The following SNX31 variants were observed in gnomAD, a reference collection of about 807,000 sequenced individuals.
The protein encoded by SNX31 is sorting nexin-31.
Under a neutral mutation model 65.4 loss-of-function variants are expected in SNX31, and 58 were observed. That is an observed-to-expected ratio of 0.89 (90% CI 0.72 to 1.10). The LOEUF (loss-of-function observed/expected upper bound fraction) is 1.10. Ranked by LOEUF, SNX31 falls within the 50% of genes least tolerant of loss-of-function variation. SNX31 has a pLI of 0.00. For missense variants in SNX31, 523 were observed against 529.7 expected, an observed-to-expected ratio of 0.99 and a Z score of 0.12; for synonymous variants, 181 against 190.1, an observed-to-expected ratio of 0.95 and a Z score of 0.39.
chr8:100,628,665 C>T (rs1818213719), intron 4 of SNX31, among the ~76,000 whole-genome samples: 1 of 152,014 alleles, frequency 6.6e-6, no homozygotes, highest in Admixed American at 6.6e-5. Flanking sequence ...GGGTGCAGCA[C>T]ACCAACATGG....
intron 4 of SNX31, among the ~76,000 whole-genome samples, chr8:100,628,300 T>C (rs1170007811): frequency 6.6e-6 from 1 of 152,216 alleles, no homozygotes; most frequent in Non-Finnish European, 1.5e-5. Context: ...CATATGTTTA[T>C]TGCGGCACTA....
upstream of SNX31, among the ~76,000 whole-genome samples, chr8:100,652,329 A>G (rs1410803422): frequency 2.0e-5 from 3 of 152,306 alleles, no homozygotes; most frequent in East Asian, 3.9e-4. Flanking sequence ...ATGATGCTCA[A>G]TTTCTGAATC....
rs199912511 is a variant in SNX31 at position 100,588,915 on chromosome 8, T to C, written c.1043A>G (p.Gln348Arg). ...TLNQNLELRF[Q>R]YSEDSCWQWF... ...CTGCCAGCAACTATCCTCACTGTAT[T>C]GAAATCTGAGCTCTAAGTTCTGGTT... is the stretch of plus-strand genomic sequence containing the variant. Residue 348 changes from glutamine to arginine, a missense_variant, in exon 11 of 14, where the codon CAA (glutamine) becomes CGA (arginine). Transcript: ENST00000311812. The surrounding 1 kb of genome is among the most constrained non-coding windows in gnomAD (Gnocchi z 4.8). 1,289 of 1,614,104 alleles carry C rather than the reference T, an allele frequency of 8.0e-4. 3 individuals carry two copies. Among genetic ancestry groups the C allele is most frequent in the Non-Finnish European group, 1.0e-3 (1,228 of 1,179,966 alleles).
At position 100,626,358 on chromosome 8, in the gene SNX31, C is replaced by A. The variant is rs1218663394; in HGVS notation, c.321+3969G>T. On this transcript the variant is annotated intron_variant, in intron 4 of 13. Transcript: ENST00000311812. The surrounding 1 kb of genome is among the most constrained non-coding windows in gnomAD (Gnocchi z 4.4). ...AAAAGTAGGGCAGCCAAAATTTGAA[C>A]TGAGGCCATCTCACTACTTAGCCTG... Among the ~76,000 whole-genome samples the A allele has an allele frequency of 1.3e-5, 2 of 152,162 alleles. No individual in the cohort carries two copies. Among genetic ancestry groups the A allele is most frequent in the African/African-American group, 4.8e-5 (2 of 41,440 alleles).
chr8:100,659,080 T>G (rs181343438), intron 1 of SNX31, among the ~76,000 whole-genome samples: 66 of 152,260 alleles, frequency 4.3e-4, no homozygotes, highest in African/African-American at 1.6e-3. Flanking sequence ...GCACAGGGGC[T>G]CATGCCTGTA....
rs1454919342 is a variant in SNX31 at position 100,575,780 on chromosome 8, T to C, written c.1227+1239A>G. Among the ~76,000 whole-genome samples, 1 of 152,200 alleles carries C rather than the reference T, an allele frequency of 6.6e-6. No homozygotes were observed. Among genetic ancestry groups the C allele is most frequent in the Non-Finnish European group, 1.5e-5 (1 of 68,028 alleles). On this transcript the variant is annotated intron_variant, in intron 13 of 13. Coordinates refer to ENST00000311812, the MANE Select transcript of SNX31 (RefSeq NM_152628.4). The surrounding 1 kb of genome is among the most constrained non-coding windows in gnomAD (Gnocchi z 5.1). ...GATAATGGTTCCAATTCTGGTTGTA[T>C]AATAGGACCACTTGGGGAGCTTTTA...
chr8:100,585,420 G>A (rs1813954419), intron 11 of SNX31, among the ~76,000 whole-genome samples: 1 of 152,178 alleles, frequency 6.6e-6, no homozygotes, highest in African/African-American at 2.4e-5. Context: ...GAGAGTGAGA[G>A]AAAGCACAGG....
chr8:100,655,609 A>G (rs1330368763), intron 1 of SNX31, among the ~76,000 whole-genome samples: 2 of 152,204 alleles, frequency 1.3e-5, no homozygotes, highest in African/African-American at 2.4e-5. Context: ...GGCCTCCCCA[A>G]CCATGTGGAA....
intron 7 of SNX31, 70 bp downstream of exon 7, chr8:100,611,930 C>T (rs2131028459): frequency 8.3e-7 from 1 of 1,201,262 alleles, no homozygotes; most frequent in Non-Finnish European, 1.2e-6. Context: ...TGTGACGGGA[C>T]TCTGGTAAGT....
chr8:100,616,533 C>G (rs1438579810), intron 5 of SNX31, among the ~76,000 whole-genome samples: 3 of 152,164 alleles, frequency 2.0e-5, no homozygotes, highest in African/African-American at 7.2e-5. Context: ...CAAACTCCCT[C>G]AAGCATCAAG....
chr8:100,650,861 T>TG (rs1231074534), upstream of SNX31, among the ~76,000 whole-genome samples: 83 of 132,302 alleles, frequency 6.3e-4, no homozygotes, highest in African/African-American at 1.6e-3. Context: ...TTTTTTTTTT[T>TG]TTTGTTTTGA....
intron 2 of SNX31, among the ~76,000 whole-genome samples, chr8:100,641,647 T>TAC (rs1338236367): frequency 2.0e-5 from 1 of 51,018 alleles, no homozygotes; most frequent in East Asian, 7.0e-4. Flanking sequence ...TATATATATA[T>TAC]ATATATATAT....
At chr8:100,643,434 C>T (rs1228475849) in intron 2 of SNX31, among the ~76,000 whole-genome samples, 5 of 152,076 alleles carry the variant, frequency 3.3e-5, no homozygotes, top group African/African-American at 1.2e-4. Context: ...TCGACTCATT[C>T]TTCCCACCTC....
At chr8:100,596,439 T>C (rs972983149) in intron 10 of SNX31, among the ~76,000 whole-genome samples, 200 bp downstream of exon 10, 1 of 152,218 alleles carries the variant, frequency 6.6e-6, no homozygotes, top group African/African-American at 2.4e-5. Flanking sequence ...GAAAGATCAA[T>C]GTCTCTGCTT....
At chr8:100,662,703 A>G (rs1786344) in intron 1 of SNX31, among the ~76,000 whole-genome samples, 28,852 of 152,118 alleles carry the variant, frequency 0.19, 2,980 homozygotes, top group Admixed American at 0.32. Flanking sequence ...TCTCAAAAAA[A>G]TAAAATAAAA....
chr8:100,650,850 G>GTTTTTTTTTTT (rs58797178), upstream of SNX31, among the ~76,000 whole-genome samples: 11 of 136,948 alleles, frequency 8.0e-5, no homozygotes, highest in African/African-American at 1.6e-4. Flanking sequence ...GTGTTTTTTT[G>GTTTTTTTTTTT]TTTTTTTTTT....
At chr8:100,584,258 C>T (rs950648) in intron 11 of SNX31, 70 bp from the exon 12 acceptor site, 97,065 of 1,270,540 alleles carry the variant, frequency 0.076, 4,095 homozygotes, top group African/African-American at 0.12. Context: ...CCTCCTCACA[C>T]CACAAAGCGG....
In SNX31 at chr8:100,629,008, A is replaced by G. The variant is rs2131171215; in HGVS notation, c.321+1319T>C. On this transcript the variant is annotated intron_variant, in intron 4 of 13. Coordinates refer to ENST00000311812, the MANE Select transcript of SNX31 (RefSeq NM_152628.4). This position sits in a 1 kb window ranked among gnomAD's most constrained non-coding sequence, Gnocchi z 5.1. ...TGTCTACAGTATGCAGTACAGTAACATAGTATACAGGTTTGTAGCCTAGGG... is the reference window on the plus strand; with the variant it reads ...TGTCTACAGTATGCAGTACAGTAACGTAGTATACAGGTTTGTAGCCTAGGG... Among the ~76,000 whole-genome samples the G allele has an allele frequency of 6.6e-6, 1 of 152,312 alleles. No individual in the cohort carries two copies. The highest frequency in any genetic ancestry group is 1.5e-5 in the Non-Finnish European group (1 of 68,042).
At position 100,625,225 on chromosome 8, in the gene SNX31, C is replaced by T. The variant is rs1198898073; in HGVS notation, c.321+5102G>A. On this transcript the variant is annotated intron_variant, in intron 4 of 13. Coordinates refer to ENST00000311812, the MANE Select transcript of SNX31 (RefSeq NM_152628.4). This position sits in a 1 kb window ranked among gnomAD's most constrained non-coding sequence, Gnocchi z 4.2. ...CCTCAAAATCCTCCAATACCATGGG[C>T]TGCCTTAATGTTTTAAAATACGTGC... Among the ~76,000 whole-genome samples, 1 of 152,126 alleles carries T rather than the reference C, an allele frequency of 6.6e-6. No homozygotes were observed. Among genetic ancestry groups the T allele is most frequent in the Admixed American group, 6.5e-5 (1 of 15,278 alleles).
Sources: gnomAD v4.1 joint callset for allele counts (sites outside exome capture counted in the v4.1 genomes callset) on GRCh38, gnomAD v4.1.1 for gene constraint, Gnocchi (gnomAD v3.1) non-coding constraint, MANE v1.5 for transcripts, NCBI Gene and HGNC (gene_info 2026-07-23, HGNC 2026-07-21) for gene names.